Variants in GALNT17 observed in about 807,000 individuals in gnomAD.
GALNT17 encodes UDP-GalNAc:polypeptide N-acetylgalactosaminyltransferase-like 3.
GALNT17 carries 29 observed loss-of-function variants against 63.7 expected under a neutral mutation model. The observed-to-expected ratio is 0.46, with a 90% CI of 0.34 to 0.62. The LOEUF (loss-of-function observed/expected upper bound fraction) is 0.62, where lower values mean the gene tolerates loss of function less well. Ranked by LOEUF, GALNT17 falls within the 20% of genes least tolerant of loss-of-function variation. GALNT17 has a pLI of 0.01. For missense variants in GALNT17, 603 were observed against 799.6 expected (o/e 0.75, Z 2.97); for synonymous variants, 305 against 318.3 (o/e 0.96, Z 0.45).
intron 2 of GALNT17, among the ~76,000 whole-genome samples, chr7:71,358,085 A>G (rs763293078): frequency 2.6e-5 from 4 of 152,142 alleles, no homozygotes; most frequent in Non-Finnish European, 5.9e-5. Flanking sequence ...TCTTCACAAT[A>G]AGTCTTGCTG....
intron 2 of GALNT17, among the ~76,000 whole-genome samples, chr7:71,386,958 G>T (rs1792956783): frequency 6.6e-6 from 1 of 152,038 alleles, no homozygotes; most frequent in African/African-American, 2.4e-5. Context: ...GCCTTCATTT[G>T]GGTTCCCCCA....
chr7:71,392,779 T>C (rs553333495), intron 3 of GALNT17, among the ~76,000 whole-genome samples: 1 of 152,330 alleles, frequency 6.6e-6, no homozygotes, highest in East Asian at 1.9e-4. Flanking sequence ...GATATTAACA[T>C]GATCTCCCTC....
intron 1 of GALNT17, among the ~76,000 whole-genome samples, chr7:71,302,029 G>GT (rs1791208428): frequency 6.6e-6 from 1 of 152,200 alleles, no homozygotes; most frequent in Non-Finnish European, 1.5e-5. Flanking sequence ...AAAAAGGAAT[G>GT]AGATCATGTC....
intron 6 of GALNT17, among the ~76,000 whole-genome samples, chr7:71,619,768 G>T (rs1289123835): frequency 6.6e-6 from 1 of 152,002 alleles, no homozygotes. Flanking sequence ...TTTTCCTGTT[G>T]GATGCCTTTT....
chr7:71,167,495 T>C (rs1788464460), intron 1 of GALNT17, among the ~76,000 whole-genome samples: 1 of 152,178 alleles, frequency 6.6e-6, no homozygotes, highest in South Asian at 2.1e-4. Flanking sequence ...TAGGAGGAAG[T>C]ACCTTATCAG....
intron 5 of GALNT17, among the ~76,000 whole-genome samples, chr7:71,527,200 C>G (rs1038691636): frequency 6.6e-6 from 1 of 151,982 alleles, no homozygotes; most frequent in East Asian, 1.9e-4. Context: ...GAAAACATCA[C>G]CCATAAAATA....
chr7:71,632,070 C>G (rs557289889), intron 6 of GALNT17, among the ~76,000 whole-genome samples: 1 of 148,398 alleles, frequency 6.7e-6, no homozygotes, highest in East Asian at 2.0e-4. Context: ...CTTTAAAGGA[C>G]CTGAAGATGT....
intron 1 of GALNT17, among the ~76,000 whole-genome samples, chr7:71,299,951 A>C (rs944558705): frequency 3.9e-5 from 6 of 151,990 alleles, no homozygotes; most frequent in African/African-American, 1.4e-4. Flanking sequence ...TTTTTAGTAG[A>C]GAAGAGGTTT....
rs1050617518 is a variant in GALNT17, at chr7:71,548,079, T to A, written c.963-23206T>A. ...CCTGTCTTTACCAAAAATAAAAAATTTTTTTTTTTAAAAATTAGCTGGTGT... is the reference window on the plus strand; with the variant it reads ...CCTGTCTTTACCAAAAATAAAAAATATTTTTTTTTAAAAATTAGCTGGTGT... On this transcript the variant is annotated intron_variant, in intron 5 of 10. Transcript: ENST00000333538. Among the ~76,000 whole-genome samples, 76 of 151,542 alleles carry A rather than the reference T, an allele frequency of 5.0e-4. No homozygotes were observed. In the Middle Eastern group the frequency reaches 0.01, roughly 20 times the overall value.
chr7:71,308,749 T>G (rs1021255776), intron 1 of GALNT17, among the ~76,000 whole-genome samples: 3 of 151,778 alleles, frequency 2.0e-5, no homozygotes, highest in Middle Eastern at 3.4e-3. Flanking sequence ...CTTTAGTTTT[T>G]TTTTTTTTTT....
chr7:71,175,098 G>A (rs1788612032), intron 1 of GALNT17, among the ~76,000 whole-genome samples: 1 of 152,072 alleles, frequency 6.6e-6, no homozygotes, highest in South Asian at 2.1e-4. Flanking sequence ...CTATCCATCA[G>A]TCTGTCTGTC....
chr7:71,448,596 A>G (rs1447289466), intron 5 of GALNT17, among the ~76,000 whole-genome samples: 2 of 152,192 alleles, frequency 1.3e-5, no homozygotes, highest in East Asian at 1.9e-4. Context: ...ATCTTTTGCC[A>G]TAACACTCAG....
chr7:71,519,218 T>C (rs1327344669), intron 5 of GALNT17, among the ~76,000 whole-genome samples: 1 of 152,066 alleles, frequency 6.6e-6, no homozygotes, highest in Non-Finnish European at 1.5e-5. Context: ...GGATGCAGGA[T>C]TCGAGAGGGG....
Position 71,292,738 on chromosome 7 carries a change from TATTAA to T in GALNT17, c.239-42807_239-42803del, listed in dbSNP as rs1791006362. ...TGGGCAGATTTAAGATCTATCCTCT[TATTAA>T]ATTACAGTATACAATACAGTATTGT... On this transcript the variant is annotated intron_variant, in intron 1 of 10. Coordinates refer to ENST00000333538, the MANE Select transcript of GALNT17 (RefSeq NM_022479.3). Among the ~76,000 whole-genome samples, 4 of 150,238 alleles carry T rather than the reference TATTAA, an allele frequency of 2.7e-5. No homozygotes were observed. In the Admixed American group the frequency reaches 2.7e-4, roughly 10 times the overall value.
chr7:71,448,342 CCTTA>C (rs1431607336), intron 5 of GALNT17, among the ~76,000 whole-genome samples: 2 of 150,598 alleles, frequency 1.3e-5, no homozygotes, highest in African/African-American at 5.0e-5. Context: ...TTGTTGATAT[CCTTA>C]CTTCGTGTGT....
chr7:71,178,236 G>C (rs867377867), intron 1 of GALNT17, among the ~76,000 whole-genome samples: 1 of 152,136 alleles, frequency 6.6e-6, no homozygotes, highest in Non-Finnish European at 1.5e-5. Flanking sequence ...ATATCATTCT[G>C]TAGTCTTTTG....
At chr7:71,604,720 G>A (rs948766799) in intron 6 of GALNT17, among the ~76,000 whole-genome samples, 2 of 152,146 alleles carry the variant, frequency 1.3e-5, no homozygotes, top group African/African-American at 4.8e-5. Context: ...GAGCTTTATA[G>A]CACAAGCCCA....
intron 5 of GALNT17, among the ~76,000 whole-genome samples, chr7:71,559,875 AAC>A (rs1309036403): frequency 6.9e-6 from 1 of 144,314 alleles, no homozygotes; most frequent in Non-Finnish European, 1.5e-5. Flanking sequence ...ATTAAAAAGA[AAC>A]ACATTTTCAA....
intron 6 of GALNT17, among the ~76,000 whole-genome samples, chr7:71,657,305 A>T (rs966908002): frequency 1.6e-4 from 25 of 152,240 alleles, no homozygotes; most frequent in African/African-American, 6.0e-4. Context: ...TGTAAAATAT[A>T]TTAGCATAGT....
Sources: gnomAD v4.1 joint callset for allele counts (sites outside exome capture counted in the v4.1 genomes callset) on GRCh38, gnomAD v4.1.1 for gene constraint, MANE v1.5 for transcripts, NCBI Gene and HGNC (gene_info 2026-07-23, HGNC 2026-07-21) for gene names.